CARF: variants seen among roughly 807,000 people sequenced by gnomAD.
CARF encodes the protein calcium responsive transcription factor.
In CARF, 57 loss-of-function variants were observed where a neutral mutation model predicts 82.0. The observed-to-expected ratio is 0.70, with a 90% CI of 0.56 to 0.87. The LOEUF (loss-of-function observed/expected upper bound fraction) is 0.87. CARF is among the 40% of genes least tolerant of loss of function. CARF has a pLI of 0.00. For missense variants in CARF, 771 were observed against 855.8 expected, an observed-to-expected ratio of 0.90 and a Z score of 1.24; for synonymous variants, 268 against 290.1, an observed-to-expected ratio of 0.92 and a Z score of 0.77.
intron 5 of CARF, among the ~76,000 whole-genome samples, chr2:202,948,914 T>A (rs2058627592): frequency 6.7e-6 from 1 of 149,044 alleles, no homozygotes; most frequent in South Asian, 2.1e-4. Context: ...AGGGCATCCT[T>A]TTCTTGTGCT....
chr2:202,949,198 G>A (rs918365312), intron 5 of CARF, among the ~76,000 whole-genome samples: 1 of 151,924 alleles, frequency 6.6e-6, no homozygotes, highest in African/African-American at 2.4e-5. Flanking sequence ...GCCAGGCATG[G>A]TGGTGCATAC....
At chr2:202,926,676 A>G (rs1333395714) in intron 3 of CARF, among the ~76,000 whole-genome samples, 1 of 152,228 alleles carries the variant, frequency 6.6e-6, no homozygotes, top group Non-Finnish European at 1.5e-5. Context: ...TACATAGATC[A>G]AGTTGGAAGA....
In CARF at chr2:202,919,178, G is replaced by A. The variant is rs1574461771; in HGVS notation, c.-163+1135G>A. On this transcript the variant is annotated intron_variant, in intron 2 of 16. Transcript: ENST00000438828. ...CAAGTAAAACTTTTCACTCCCTCAGGGTAGCTCTTTTTAACTCGTTTTAAA... is the reference window on the plus strand; with the variant it reads ...CAAGTAAAACTTTTCACTCCCTCAGAGTAGCTCTTTTTAACTCGTTTTAAA... Among the ~76,000 whole-genome samples, 8 of 151,972 alleles carry A rather than the reference G, an allele frequency of 5.3e-5. No individual in the cohort carries two copies. In the South Asian group the frequency reaches 1.7e-3, roughly 32 times the overall value.
At chr2:202,927,036 G>A (rs1357397274) in intron 3 of CARF, among the ~76,000 whole-genome samples, 2 of 151,984 alleles carry the variant, frequency 1.3e-5, no homozygotes, top group South Asian at 2.1e-4. Flanking sequence ...GGCTGGTCTC[G>A]AACTCCTGAG....
chr2:202,965,532 AT>A (rs1159707696), intron 9 of CARF, among the ~76,000 whole-genome samples: 2 of 150,860 alleles, frequency 1.3e-5, no homozygotes, highest in African/African-American at 4.9e-5. Flanking sequence ...GCCTTTGCAC[AT>A]TTTTCTGAGT....
chr2:202,963,361 C>T (rs1402795068), intron 9 of CARF, among the ~76,000 whole-genome samples: 5 of 151,626 alleles, frequency 3.3e-5, no homozygotes, highest in Non-Finnish European at 7.4e-5. Flanking sequence ...TGTACAGGTC[C>T]AGAATCCCTT....
intron 1 of CARF, among the ~76,000 whole-genome samples, chr2:202,917,068 G>C (rs1689821880): frequency 6.6e-6 from 1 of 151,666 alleles, no homozygotes; most frequent in African/African-American, 2.4e-5. Context: ...AAAATTAGCC[G>C]GGCGTAGTGG....
Position 202,952,542 on chromosome 2 carries a change from T to C in CARF, c.307-17T>C. Reference sequence around the variant, plus strand: ...CTAGGCATATGCATTTGATTTTTTTTTTTTAATGCTTCCAAGATGATCGTT... The same window carrying C: ...CTAGGCATATGCATTTGATTTTTTTCTTTTAATGCTTCCAAGATGATCGTT... On this transcript the variant is annotated splice_polypyrimidine_tract_variant and intron_variant, in intron 5 of 16. Transcript: ENST00000438828. 1 of 1,610,976 alleles carries C rather than the reference T, an allele frequency of 6.2e-7. No individual in the cohort carries two copies.
At chr2:202,949,523 TTATTA>T (rs2058663117) in intron 5 of CARF, among the ~76,000 whole-genome samples, 1 of 94,088 alleles carries the variant, frequency 1.1e-5, no homozygotes, top group Non-Finnish European at 2.1e-5. Flanking sequence ...TTATTTATTA[TTATTA>T]TTATTATTAT....
chr2:202,929,365 G>A (rs749511437), intron 3 of CARF, among the ~76,000 whole-genome samples: 65 of 152,068 alleles, frequency 4.3e-4, no homozygotes, highest in Admixed American at 1.4e-3. Context: ...TTTATATATG[G>A]TGAGAGCTAG....
intron 3 of CARF, among the ~76,000 whole-genome samples, chr2:202,938,698 TG>T (rs1458520050): frequency 1.3e-5 from 2 of 151,636 alleles, no homozygotes; most frequent in Non-Finnish European, 2.9e-5. Context: ...GGTAAGACAG[TG>T]GAAAAAAATA....
chr2:202,941,269 C>G (rs1162283968), intron 3 of CARF, among the ~76,000 whole-genome samples: 1 of 152,080 alleles, frequency 6.6e-6, no homozygotes, highest in African/African-American at 2.4e-5. Flanking sequence ...TGTAGCTTTA[C>G]AAAATTGCCC....
At chr2:202,959,815 CA>C (rs11334679) in intron 8 of CARF, among the ~76,000 whole-genome samples, 111,154 of 140,316 alleles carry the variant, frequency 0.79, 43,456 homozygotes, top group South Asian at 0.9. Context: ...ATCTCAAAAA[CA>C]AAAAAAAAAA....
chr2:202,944,792 G>GT (rs1023720542), intron 5 of CARF, among the ~76,000 whole-genome samples: 90 of 56,480 alleles, frequency 1.6e-3, no homozygotes, highest in South Asian at 3.0e-3. Flanking sequence ...GAAAGTTTGT[G>GT]TTTTTTTTTT....
intron 10 of CARF, among the ~76,000 whole-genome samples, chr2:202,969,431 C>G (rs1413792314): frequency 1.3e-5 from 2 of 151,714 alleles, no homozygotes; most frequent in Non-Finnish European, 2.9e-5. Flanking sequence ...CAAAATTAGC[C>G]GGGAGTGGTG....
chr2:202,980,662 A>ATATATATATATATAT (rs2060223733), intron 14 of CARF, among the ~76,000 whole-genome samples: 7 of 115,062 alleles, frequency 6.1e-5, no homozygotes, highest in South Asian at 2.8e-4. Context: ...ATATATATAT[A>ATATATATATATATAT]GTTGTGCCTC....
rs1315487409 is a variant in CARF, at chr2:202,916,204, C to CA, written c.-329-1672dup. ...TTTATTTATTTATTTATTTTTGAGACAGAGTCTCACTCTGTCGCCAGGCTG... is the reference window on the plus strand; with the variant it reads ...TTTATTTATTTATTTATTTTTGAGACAAGAGTCTCACTCTGTCGCCAGGCTG... On this transcript the variant is annotated intron_variant, in intron 1 of 16. Transcript: ENST00000438828. Among the ~76,000 whole-genome samples the CA allele has an allele frequency of 3.4e-5, 5 of 147,028 alleles. No individual in the cohort carries two copies. In the East Asian group the frequency reaches 9.7e-4, roughly 29 times the overall value.
intron 13 of CARF, among the ~76,000 whole-genome samples, chr2:202,974,774 C>T (rs1471788233): frequency 2.6e-5 from 4 of 151,976 alleles, no homozygotes; most frequent in Non-Finnish European, 2.9e-5. Flanking sequence ...TGGTGGGTGC[C>T]TGTAATCCCA....
chr2:202,919,213 C>A (rs899731561), intron 2 of CARF, among the ~76,000 whole-genome samples: 16 of 152,152 alleles, frequency 1.1e-4, no homozygotes, highest in African/African-American at 3.6e-4. Context: ...AGGAAGAAAT[C>A]CATCCTTACA....
Sources: gnomAD v4.1 joint callset for allele counts (sites outside exome capture counted in the v4.1 genomes callset) on GRCh38, gnomAD v4.1.1 for gene constraint, MANE v1.5 for transcripts, NCBI Gene and HGNC (gene_info 2026-07-23, HGNC 2026-07-21) for gene names.